Variants in MYO7A observed in about 807,000 individuals in gnomAD.
The protein encoded by MYO7A is myosin VIIA, also known as unconventional myosin-VIIa.
In MYO7A, 210 loss-of-function variants were observed where a neutral mutation model predicts 263.8. The observed-to-expected ratio is 0.80, with a 90% CI of 0.71 to 0.89. The LOEUF is 0.89. MYO7A is among the 40% of genes least tolerant of loss of function. MYO7A has a pLI of 0.00. For missense variants in MYO7A, 2,820 were observed against 2,968.3 expected (o/e 0.95, Z 1.16); for synonymous variants, 1,239 against 1,197.3 (o/e 1.03, Z -0.72).
At chr11:77,200,607 C>G (rs1296564383) in intron 35 of MYO7A, among the ~76,000 whole-genome samples, 1 of 152,228 alleles carries the variant, frequency 6.6e-6, no homozygotes, top group Non-Finnish European at 1.5e-5. Flanking sequence ...AACCATATCA[C>G]AGACCATGCC....
chr11:77,212,959 C>T lies in MYO7A; in HGVS notation c.6362C>T (p.Thr2121Met), dbSNP rs769205075. The T allele has an allele frequency of 4.8e-5, 76 of 1,592,886 alleles. No individual in the cohort carries two copies. The highest frequency in any genetic ancestry group is 6.8e-5 in the East Asian group (3 of 44,216). Reference sequence around the variant, plus strand: ...TCTCATCTTTTTTTCTAGCAAACTACGGAGCCAAACTTCCCTGAGATCCTC... The same window carrying T: ...TCTCATCTTTTTTTCTAGCAAACTATGGAGCCAAACTTCCCTGAGATCCTC... ...GSAFFEVKQT[T>M]EPNFPEILLI... Residue 2121 changes from threonine (T) to methionine (M), a missense_variant, in exon 47 of 49, where the codon ACG becomes ATG. Transcript: ENST00000409709.
chr11:77,158,304 G>T lies in MYO7A; in HGVS notation c.877G>T (p.Val293Leu), dbSNP rs782431334. Residue 293 changes from valine to leucine, a missense_variant, in exon 9 of 49, where the codon GTG becomes TTG. By Grantham distance (32) the Val-to-Leu change is conservative. Transcript: ENST00000409709. The part of the protein sequence containing the change: ...MGNCITCEGR[V>L]DSQEYANIRS... Reference sequence around the variant, plus strand: ...TAACTGCATAACCTGTGAGGGCCGGGTGGACAGCCAGGAGTACGCCAACAT... The same window carrying T: ...TAACTGCATAACCTGTGAGGGCCGGTTGGACAGCCAGGAGTACGCCAACAT... 6.2e-7 allele frequency: 1 copy of T among 1,610,128 alleles called. No homozygotes were observed.
In MYO7A at chr11:77,198,361, GCT is replaced by G; in HGVS notation, c.4442-129_4442-128del. On this transcript the variant is annotated intron_variant, in intron 33 of 48. Coordinates refer to ENST00000409709, the MANE Select transcript of MYO7A (RefSeq NM_000260.4). Reference sequence around the variant, plus strand: ...GGGTTTTGGCACGTAGCGAGTTTGTGCTCTCTGAGCCTCAGTTTCCATATCTA... The same window carrying G: ...GGGTTTTGGCACGTAGCGAGTTTGTGCTCTGAGCCTCAGTTTCCATATCTA... The G allele has an allele frequency of 1.6e-6, 2 of 1,223,684 alleles. 1 individual carries two copies. Among genetic ancestry groups the G allele is most frequent in the South Asian group, 3.2e-5 (2 of 63,364 alleles). The allele number at this position is 1,223,684 out of a possible 1,614,324, so 75.8% of individuals were successfully genotyped here.
intron 14 of MYO7A, among the ~76,000 whole-genome samples, chr11:77,165,204 C>A (rs1356023959): frequency 4.6e-5 from 7 of 152,212 alleles, no homozygotes; most frequent in African/African-American, 1.7e-4. Flanking sequence ...GCCAGGCGGG[C>A]AGCCTAGCAC....
intron 16 of MYO7A, among the ~76,000 whole-genome samples, chr11:77,174,321 C>T (rs933716949): frequency 6.6e-6 from 1 of 152,214 alleles, no homozygotes; most frequent in Non-Finnish European, 1.5e-5. Flanking sequence ...GTGCAGAGCA[C>T]CCCTCACCTG....
At chr11:77,209,628 A>T (rs553851184) in intron 44 of MYO7A, among the ~76,000 whole-genome samples, 1 of 140,666 alleles carries the variant, frequency 7.1e-6, no homozygotes, top group East Asian at 2.3e-4. Flanking sequence ...CCCACGTCCC[A>T]AATCACTTAC....
Position 77,162,920 on chromosome 11 carries a change from C to G in MYO7A, c.1622C>G (p.Pro541Arg), listed in dbSNP as rs369301423. The change falls in exon 14 of 49, where the codon CCC becomes CGC. Residue 541 changes from proline to arginine, a missense_variant. Coordinates refer to ENST00000409709, the MANE Select transcript of MYO7A (RefSeq NM_000260.4). ...AAGCTCAACGCCAACTACATCCCCCCCAAGAACAACCATGAGACCCAGTTT... is the reference window on the plus strand; with the variant it reads ...AAGCTCAACGCCAACTACATCCCCCGCAAGAACAACCATGAGACCCAGTTT... Reference protein sequence around the residue: ...QHKLNANYIPPKNNHETQFGI... With the variant: ...QHKLNANYIPRKNNHETQFGI... 28 of 1,613,708 alleles carry G rather than the reference C, an allele frequency of 1.7e-5. 1 individual carries two copies. Among genetic ancestry groups the G allele is most frequent in the African/African-American group, 2.7e-5 (2 of 74,860 alleles).
chr11:77,187,758 A>T (rs1377615372), intron 27 of MYO7A, among the ~76,000 whole-genome samples: 1 of 152,152 alleles, frequency 6.6e-6, no homozygotes, highest in Non-Finnish European at 1.5e-5. Context: ...CTGTCGGGAG[A>T]GCTGATGCCA....
At chr11:77,164,673 A>G (rs1469172360) in intron 14 of MYO7A, among the ~76,000 whole-genome samples, 3 of 152,228 alleles carry the variant, frequency 2.0e-5, no homozygotes, top group African/African-American at 7.2e-5. Context: ...AGAGGATTGT[A>G]TTTCTCAGTT....
rs575106857 is a variant in MYO7A at position 77,207,136 on chromosome 11, T to A, written c.5743-153T>A. ...GAAGACCCAGACAGGAGTAGCCCTT[T>A]CCTTTTGTTAAATGCCATGCCCAGC... On this transcript the variant is annotated intron_variant, in intron 41 of 48. Transcript: ENST00000409709. 2.6e-5 allele frequency: 15 copies of A among 578,080 alleles called. No homozygotes were observed. In the African/African-American group the frequency reaches 2.6e-4, roughly 10 times the overall value. The allele number at this position is 578,080 out of a possible 1,614,324, so 35.8% of individuals were successfully genotyped here.
chr11:77,142,711 G>GCGA lies in MYO7A; in HGVS notation c.21_22insCGA (p.Gly7_Asp8insArg). 6.2e-7 allele frequency: 1 copy of GCGA among 1,609,124 alleles called. No homozygotes were observed. Among genetic ancestry groups the GCGA allele is most frequent in the Non-Finnish European group, 8.5e-7 (1 of 1,177,964 alleles). ...CTGAGACTCTCTCTCGCCCATAGGG[G>GCGA]GACCATGTGTGGATGGACCTGAGAT... On this transcript the variant is annotated inframe_insertion, in exon 3 of 49. Transcript: ENST00000409709.
Position 77,158,435 on chromosome 11 carries a change from G to T in MYO7A, c.1003+5G>T. ...TGGGCAACCTGCAGTATGAGGGTGA[G>T]GCTGCGCCACACTCGCCCTGCCCCA... On this transcript the variant is annotated splice_donor_5th_base_variant and intron_variant, in intron 9 of 48. Coordinates refer to ENST00000409709, the MANE Select transcript of MYO7A (RefSeq NM_000260.4). 2 of 1,610,300 alleles carry T rather than the reference G, an allele frequency of 1.2e-6. No individual in the cohort carries two copies. Among genetic ancestry groups the T allele is most frequent in the Non-Finnish European group, 1.7e-6 (2 of 1,179,152 alleles).
intron 26 of MYO7A, 46 bp from the exon 27 acceptor site, chr11:77,184,542 G>T: frequency 6.6e-7 from 1 of 1,519,504 alleles, no homozygotes; most frequent in Non-Finnish European, 8.9e-7. Context: ...GGCTGGCAGG[G>T]GAACACCCCT....
chr11:77,177,959 A>G (rs532674822), intron 19 of MYO7A, among the ~76,000 whole-genome samples: 2 of 152,240 alleles, frequency 1.3e-5, no homozygotes, highest in South Asian at 2.1e-4. Context: ...AAATTTTGCA[A>G]AGAGGAAATT....
At position 77,175,278 on chromosome 11, in the gene MYO7A, G is replaced by T; in HGVS notation, c.2095-94G>T. ...ACACTTCGAGTCAGGGGCAGAGCTC[G>T]GGAAGAGCCCTGCCTCTCAGCCTCG... On this transcript the variant is annotated intron_variant, in intron 17 of 48. Transcript: ENST00000409709. The T allele has an allele frequency of 2.6e-6, 3 of 1,172,332 alleles. No individual in the cohort carries two copies. The South Asian group carries it at 4.0e-5, about 16-fold the overall frequency. 72.6% of individuals were successfully genotyped at this position (1,172,332 alleles called of 1,614,324 possible).
intron 1 of MYO7A, among the ~76,000 whole-genome samples, chr11:77,130,049 C>T (rs1009159088): frequency 6.6e-6 from 1 of 152,206 alleles, no homozygotes; most frequent in African/African-American, 2.4e-5. Flanking sequence ...CCTGCCTCCC[C>T]GTCAGCAGCC....
chr11:77,158,564 T>C lies in MYO7A; in HGVS notation c.1003+134T>C, dbSNP rs547639642. ...CTTTGGGATGGAAGCTGGGAAGAAT[T>C]CGCCTGTGGGTAGATTTGAACAGGT... On this transcript the variant is annotated intron_variant, in intron 9 of 48. Coordinates refer to ENST00000409709, the MANE Select transcript of MYO7A (RefSeq NM_000260.4). 2.1e-4 allele frequency: 246 copies of C among 1,173,910 alleles called. 5 individuals are homozygous for C. In the South Asian group the frequency reaches 3.8e-3, roughly 18 times the overall value. 72.7% of individuals were successfully genotyped at this position (1,173,910 alleles called of 1,614,324 possible).
At chr11:77,188,542 G>A (rs1555089651) in intron 27 of MYO7A, among the ~76,000 whole-genome samples, 1 of 151,016 alleles carries the variant, frequency 6.6e-6, no homozygotes, top group Non-Finnish European at 1.5e-5. Context: ...GGCGGACACT[G>A]CATCGTCATG....
At chr11:77,156,372 C>T (rs1486922183) in intron 5 of MYO7A, among the ~76,000 whole-genome samples, 2 of 152,194 alleles carry the variant, frequency 1.3e-5, no homozygotes, top group Non-Finnish European at 2.9e-5. Flanking sequence ...ATCTCAGGCT[C>T]CTATTTTCTT....
Sources: gnomAD v4.1 joint callset for allele counts (sites outside exome capture counted in the v4.1 genomes callset) on GRCh38, gnomAD v4.1.1 for gene constraint, MANE v1.5 for transcripts, NCBI Gene and HGNC (gene_info 2026-07-23, HGNC 2026-07-21) for gene names.